The following PTPRM variants were observed in gnomAD, a reference collection of about 807,000 sequenced individuals.
PTPRM encodes protein tyrosine phosphatase receptor type M, also known as receptor-type tyrosine-protein phosphatase mu.
In PTPRM, 47 loss-of-function variants were observed where a neutral mutation model predicts 186.7. The ratio of observed to expected loss-of-function variants is 0.25; its 90% CI spans 0.20 to 0.32. The LOEUF is 0.32. Among genes scored for constraint, PTPRM ranks in the 10% least tolerant of loss-of-function variants. The probability of loss-of-function intolerance (pLI) is 1.00; values close to 1 mark genes in which losing one functional copy is unlikely to be tolerated. For missense variants in PTPRM, 1,494 were observed against 1,865.0 expected, an observed-to-expected ratio of 0.80 and a Z score of 3.66; for synonymous variants, 668 against 674.9, an observed-to-expected ratio of 0.99 and a Z score of 0.16.
intron 19 of PTPRM, among the ~76,000 whole-genome samples, chr18:8,285,917 G>C (rs1245302990): frequency 2.0e-5 from 3 of 152,136 alleles, no homozygotes; most frequent in Non-Finnish European, 4.4e-5. Context: ...ACTTGAGCTC[G>C]GGGTCAAGGG....
intron 24 of PTPRM, among the ~76,000 whole-genome samples, chr18:8,374,437 C>G (rs1485022117): frequency 6.6e-6 from 1 of 152,156 alleles, no homozygotes; most frequent in Admixed American, 6.5e-5. Flanking sequence ...GGAATGCATA[C>G]CACCAAAATG....
intron 2 of PTPRM, among the ~76,000 whole-genome samples, chr18:7,882,893 G>A (rs2048580406): frequency 6.6e-6 from 1 of 152,200 alleles, no homozygotes; most frequent in Admixed American, 6.5e-5. Context: ...AATGATGGAA[G>A]ATAGTTTAAT....
chr18:7,842,343 T>G (rs984164882), intron 2 of PTPRM, among the ~76,000 whole-genome samples: 3 of 152,226 alleles, frequency 2.0e-5, no homozygotes, highest in African/African-American at 7.2e-5. Flanking sequence ...GGCATTATGC[T>G]AAGCATCTAT....
intron 1 of PTPRM, among the ~76,000 whole-genome samples, chr18:7,607,040 G>A (rs2143808433): frequency 6.6e-6 from 1 of 151,998 alleles, no homozygotes; most frequent in East Asian, 2.0e-4. Flanking sequence ...AGACACTCAG[G>A]TGCCTAACCT....
At chr18:8,157,261 G>A (rs999398349) in intron 14 of PTPRM, among the ~76,000 whole-genome samples, 8 of 152,176 alleles carry the variant, frequency 5.3e-5, no homozygotes, top group African/African-American at 1.7e-4. Context: ...TACCTTTAAA[G>A]TGCTGGCCCC....
intron 7 of PTPRM, among the ~76,000 whole-genome samples, chr18:7,981,252 G>A (rs1037536993): frequency 3.7e-4 from 56 of 151,654 alleles, no homozygotes; most frequent in African/African-American, 9.5e-4. Flanking sequence ...CAATGGAGTC[G>A]TGCATTCCCT....
At chr18:8,121,292 A>G (rs2092162576) in intron 13 of PTPRM, among the ~76,000 whole-genome samples, 1 of 152,056 alleles carries the variant, frequency 6.6e-6, no homozygotes, top group African/African-American at 2.4e-5. Context: ...TAGATGATCT[A>G]TTTTCCTTAC....
chr18:8,124,423 AT>A (rs1477480644), intron 13 of PTPRM, among the ~76,000 whole-genome samples: 1 of 152,190 alleles, frequency 6.6e-6, no homozygotes, highest in African/African-American at 2.4e-5. Context: ...CTGAGACTTA[AT>A]TCATTCAGTC....
At chr18:8,212,921 C>CG (rs1005220103) in intron 14 of PTPRM, among the ~76,000 whole-genome samples, 1 of 152,220 alleles carries the variant, frequency 6.6e-6, no homozygotes, top group African/African-American at 2.4e-5. Flanking sequence ...ATCTTATGAA[C>CG]ATTCTTCCTA....
intron 14 of PTPRM, among the ~76,000 whole-genome samples, chr18:8,213,077 C>A (rs968058428): frequency 6.6e-6 from 1 of 152,184 alleles, no homozygotes; most frequent in African/African-American, 2.4e-5. Context: ...ATGTGACGGA[C>A]AGAGCTTGAT....
At chr18:7,635,851 A>AT (rs753697543) in intron 1 of PTPRM, among the ~76,000 whole-genome samples, 12 of 152,184 alleles carry the variant, frequency 7.9e-5, no homozygotes, top group Non-Finnish European at 1.3e-4. Context: ...CAGGGGATAT[A>AT]TTAGCATGTT....
At chr18:8,169,976 G>T (rs1347763839) in intron 14 of PTPRM, among the ~76,000 whole-genome samples, 2 of 152,156 alleles carry the variant, frequency 1.3e-5, no homozygotes, top group Non-Finnish European at 2.9e-5. Context: ...GAGCTAGAAA[G>T]AGTCTTGGAG....
chr18:8,359,541 C>T (rs2095584091), intron 23 of PTPRM, among the ~76,000 whole-genome samples: 1 of 152,238 alleles, frequency 6.6e-6, no homozygotes, highest in Non-Finnish European at 1.5e-5. Context: ...GGCTTGGGGC[C>T]TCTGTTGTGT....
intron 2 of PTPRM, among the ~76,000 whole-genome samples, chr18:7,808,756 T>C (rs192328603): frequency 3.7e-4 from 56 of 152,322 alleles, no homozygotes; most frequent in African/African-American, 1.3e-3. Context: ...ACTCTAAATA[T>C]AAGAAATGAC....
chr18:7,976,484 G>A (rs1345892458), intron 7 of PTPRM, among the ~76,000 whole-genome samples: 2 of 152,204 alleles, frequency 1.3e-5, no homozygotes, highest in Non-Finnish European at 2.9e-5. Flanking sequence ...TCGTTGGTAC[G>A]ATGTGTTGAT....
intron 1 of PTPRM, among the ~76,000 whole-genome samples, chr18:7,640,744 C>G (rs2038424703): frequency 6.6e-6 from 1 of 152,062 alleles, no homozygotes; most frequent in Non-Finnish European, 1.5e-5. Context: ...CTTTAGATTC[C>G]CAAGTTAATG....
At chr18:8,337,061 T>C (rs1034813193) in intron 22 of PTPRM, among the ~76,000 whole-genome samples, 4 of 152,190 alleles carry the variant, frequency 2.6e-5, no homozygotes, top group South Asian at 2.1e-4. Flanking sequence ...ATATGGAGGC[T>C]GGAGACTCCT....
chr18:8,282,898 G>T (rs1160618741), intron 19 of PTPRM, among the ~76,000 whole-genome samples: 1 of 152,152 alleles, frequency 6.6e-6, no homozygotes, highest in Non-Finnish European at 1.5e-5. Context: ...ATATTACTGA[G>T]CTGCAAAAAG....
chr18:8,140,526 T>C (rs978925927), intron 13 of PTPRM, among the ~76,000 whole-genome samples: 1 of 151,522 alleles, frequency 6.6e-6, no homozygotes, highest in African/African-American at 2.4e-5. Flanking sequence ...AATACCACTC[T>C]TTTTTATTTT....
Sources: gnomAD v4.1 joint callset for allele counts (sites outside exome capture counted in the v4.1 genomes callset) on GRCh38, gnomAD v4.1.1 for gene constraint, MANE v1.5 for transcripts, NCBI Gene and HGNC (gene_info 2026-07-23, HGNC 2026-07-21) for gene names.